The following GNAO1 variants were observed in gnomAD, a reference collection of about 807,000 sequenced individuals.
GNAO1 encodes the protein guanine nucleotide-binding protein G(o) subunit alpha.
For missense variants in GNAO1, 166 were observed against 478.7 expected (o/e 0.35, Z 6.10); for synonymous variants, 164 against 180.7 (o/e 0.91, Z 0.74).
At chr16:56,283,825 G>A (rs1181879163) in intron 3 of GNAO1, among the ~76,000 whole-genome samples, 1 of 152,180 alleles carries the variant, frequency 6.6e-6, no homozygotes, top group African/African-American at 2.4e-5. Flanking sequence ...CCCAGAGCCT[G>A]CCCTGACCCT....
intron 2 of GNAO1, among the ~76,000 whole-genome samples, chr16:56,262,238 A>G (rs574512488): frequency 6.6e-6 from 1 of 152,332 alleles, no homozygotes; most frequent in East Asian, 1.9e-4. Flanking sequence ...TTCTGCAGTG[A>G]GTCACCACCG....
At chr16:56,249,456 T>G (rs2036779754) in intron 2 of GNAO1, among the ~76,000 whole-genome samples, 1 of 152,020 alleles carries the variant, frequency 6.6e-6, no homozygotes, top group Non-Finnish European at 1.5e-5. Flanking sequence ...TCCAGGCATA[T>G]CCACTGGGGA....
At chr16:56,251,743 T>C (rs2036801595) in intron 2 of GNAO1, among the ~76,000 whole-genome samples, 1 of 152,186 alleles carries the variant, frequency 6.6e-6, no homozygotes, top group Non-Finnish European at 1.5e-5. Flanking sequence ...CTTGGAAGGT[T>C]GGTCCACTTA....
chr16:56,318,859 C>T (rs1013569732), intron 3 of GNAO1, among the ~76,000 whole-genome samples: 2 of 152,166 alleles, frequency 1.3e-5, no homozygotes, highest in Admixed American at 6.5e-5. Flanking sequence ...TGTTGCAAAG[C>T]TGTGTCACAT....
chr16:56,340,639 G>T lies in GNAO1; in HGVS notation c.723+3779G>T. On this transcript the variant is annotated intron_variant, in intron 6 of 8. Transcript: ENST00000262493. Reference sequence around the variant, plus strand: ...CCCTGCTCCGCCCCGCCCTGCCTGCGTGTGGAATGAAACAGGACCACGTCC... The same window carrying T: ...CCCTGCTCCGCCCCGCCCTGCCTGCTTGTGGAATGAAACAGGACCACGTCC... 1.1e-5 allele frequency: 7 copies of T among 615,654 alleles called. No individual in the cohort carries two copies. In the South Asian group the frequency reaches 1.4e-4, roughly 12 times the overall value. 38.1% of individuals were successfully genotyped at this position (615,654 alleles called of 1,614,324 possible). A position where few individuals can be genotyped will look rare whatever the true frequency, so the allele number is the denominator to read the frequency against.
Position 56,275,993 on chromosome 16 carries a change from G to T in GNAO1, c.224G>T (p.Ser75Ile). 6.2e-7 allele frequency: 1 copy of T among 1,613,650 alleles called. No homozygotes were observed. Among genetic ancestry groups the T allele is most frequent in the Non-Finnish European group, 8.5e-7 (1 of 1,179,600 alleles). Residue 75 changes from serine to isoleucine, a missense_variant, in exon 3 of 9, where the codon AGC becomes ATC. By Grantham distance (142) the Ser-to-Ile change is moderately radical (BLOSUM62 -2). Transcript: ENST00000262493. ...AAACAGTACAAGCCTGTTGTCTACA[G>T]CAACACTATCCAGTCCCTGGCAGCC... ...DVKQYKPVVY[S>I]NTIQSLAAIV...
chr16:56,265,574 G>A (rs1337962618), intron 2 of GNAO1, among the ~76,000 whole-genome samples: 1 of 152,238 alleles, frequency 6.6e-6, no homozygotes, highest in African/African-American at 2.4e-5. Context: ...GTGGACGGTG[G>A]TTCCCTCCAG....
intron 2 of GNAO1, among the ~76,000 whole-genome samples, chr16:56,267,838 G>GA (rs534924043): frequency 6.7e-4 from 102 of 152,316 alleles, no homozygotes; most frequent in Non-Finnish European, 1.3e-3. Flanking sequence ...AATAATATAT[G>GA]AAAAATGAAT....
intron 3 of GNAO1, chr16:56,307,883 C>T (rs1197406409): frequency 6.6e-6 from 1 of 152,288 alleles, no homozygotes; most frequent in Non-Finnish European, 1.5e-5. Context: ...GGGCAAGGGA[C>T]CTTGGTTCTT....
At chr16:56,327,407 G>T (rs1166937093) in intron 3 of GNAO1, among the ~76,000 whole-genome samples, 2 of 152,132 alleles carry the variant, frequency 1.3e-5, no homozygotes, top group Admixed American at 1.3e-4. Flanking sequence ...AGCTGAAGAG[G>T]CGCAGGGCAA....
chr16:56,341,336 G>C (rs1470820375), intron 6 of GNAO1, among the ~76,000 whole-genome samples: 1 of 152,222 alleles, frequency 6.6e-6, no homozygotes, highest in African/African-American at 2.4e-5. Flanking sequence ...GAGTTAGGCA[G>C]CCCAAGGTTT....
intron 2 of GNAO1, among the ~76,000 whole-genome samples, chr16:56,248,843 G>A (rs2143449699): frequency 6.6e-6 from 1 of 152,342 alleles, no homozygotes; most frequent in East Asian, 1.9e-4. Flanking sequence ...TACTTTAGAG[G>A]CTGCAGAAGG....
intron 3 of GNAO1, among the ~76,000 whole-genome samples, chr16:56,328,162 C>T (rs2037654340): frequency 6.6e-6 from 1 of 152,190 alleles, no homozygotes; most frequent in African/African-American, 2.4e-5. Flanking sequence ...CTGCATTCCA[C>T]CCTGTGTAAG....
At chr16:56,267,524 C>T (rs1020549378) in intron 2 of GNAO1, among the ~76,000 whole-genome samples, 1 of 152,178 alleles carries the variant, frequency 6.6e-6, no homozygotes. Context: ...AGCGTTGTCT[C>T]CAGGCACCGG....
chr16:56,244,274 C>T (rs1458128654), intron 2 of GNAO1, among the ~76,000 whole-genome samples: 1 of 152,052 alleles, frequency 6.6e-6, no homozygotes. Context: ...CAGTTTCTTC[C>T]TCTTTTAAAC....
intron 3 of GNAO1, among the ~76,000 whole-genome samples, chr16:56,278,447 G>A (rs1384763072): frequency 8.5e-5 from 13 of 152,184 alleles, no homozygotes; most frequent in East Asian, 1.9e-4. Context: ...TGGAAAAGGC[G>A]TTCCCGGGAG....
chr16:56,229,661 A>G (rs749745875), intron 2 of GNAO1, among the ~76,000 whole-genome samples: 1 of 152,196 alleles, frequency 6.6e-6, no homozygotes, highest in Non-Finnish European at 1.5e-5. Flanking sequence ...GAATAAATAG[A>G]TAGAATTTAA....
At chr16:56,229,546 G>A (rs1453701507) in intron 2 of GNAO1, among the ~76,000 whole-genome samples, 4 of 152,062 alleles carry the variant, frequency 2.6e-5, no homozygotes, top group African/African-American at 9.7e-5. Context: ...CAAGTACTGG[G>A]GACCAGGAGC....
At chr16:56,304,997 C>G (rs1208456088) in intron 3 of GNAO1, among the ~76,000 whole-genome samples, 1 of 152,234 alleles carries the variant, frequency 6.6e-6, no homozygotes, top group Non-Finnish European at 1.5e-5. Context: ...ATTCTGCTCC[C>G]CCTGTGACAT....
Sources: gnomAD v4.1 joint callset for allele counts (sites outside exome capture counted in the v4.1 genomes callset) on GRCh38, gnomAD v4.1.1 for gene constraint, MANE v1.5 for transcripts, NCBI Gene and HGNC (gene_info 2026-07-23, HGNC 2026-07-21) for gene names.